EPB41L4B: variants seen among roughly 807,000 people sequenced by gnomAD.
EPB41L4B encodes the protein erythrocyte membrane protein band 4.1 like 4B.
EPB41L4B carries 30 observed loss-of-function variants against 112.5 expected under a neutral mutation model. That is an observed-to-expected ratio of 0.27 (90% CI 0.20 to 0.36). The LOEUF (loss-of-function observed/expected upper bound fraction) is 0.36, where lower values mean the gene tolerates loss of function less well. Ranked by LOEUF, EPB41L4B falls within the 10% of genes least tolerant of loss-of-function variation. EPB41L4B has a pLI of 1.00. For synonymous variants in EPB41L4B, 408 were observed against 439.7 expected (o/e 0.93, Z 0.90); for missense variants, 1,024 against 1,133.3 (o/e 0.90, Z 1.38).
intron 15 of EPB41L4B, among the ~76,000 whole-genome samples, chr9:109,231,728 C>T (rs1833957737): frequency 6.6e-6 from 1 of 152,146 alleles, no homozygotes; most frequent in Admixed American, 6.5e-5. Flanking sequence ...TAGGTGTAAG[C>T]AGGTCCCGAC....
At chr9:109,240,956 A>G (rs1002769224) in intron 15 of EPB41L4B, 1 of 985,476 alleles carries the variant, frequency 1.0e-6, no homozygotes, top group Non-Finnish European at 1.2e-6. Flanking sequence ...GCTTAAATTC[A>G]AAGTAGCTCA....
In EPB41L4B at chr9:109,180,271, A is replaced by G. The variant is rs192031831; in HGVS notation, c.2487+2458T>C. ...TAAAAGTCCCAGCATGGTTTCTGCC[A>G]TTGGCTTCCTGCTCCATCTTGGCCC... On this transcript the variant is annotated intron_variant, in intron 24 of 25. Transcript: ENST00000374566. 1.8e-3 allele frequency among the ~76,000 whole-genome samples: 278 copies of G among 152,288 alleles called. 1 individual carries two copies. The highest frequency in any genetic ancestry group is 6.4e-3 in the African/African-American group (267 of 41,564).
intron 2 of EPB41L4B, among the ~76,000 whole-genome samples, chr9:109,275,316 G>A (rs1022179816): frequency 3.3e-5 from 5 of 152,144 alleles, no homozygotes; most frequent in African/African-American, 1.2e-4. Context: ...CTTGAAGGAG[G>A]CTCAATTATG....
rs761096836 is a variant in EPB41L4B, at chr9:109,194,281, A to T, written c.2162T>A (p.Val721Asp). 2 of 1,614,130 alleles carry T rather than the reference A, an allele frequency of 1.2e-6. No homozygotes were observed. Among genetic ancestry groups the T allele is most frequent in the Non-Finnish European group, 8.5e-7 (1 of 1,180,024 alleles). The change falls in exon 21 of 26, where the codon GTC becomes GAC. Residue 721 changes from valine (V) to aspartate (D), a missense_variant. Coordinates refer to ENST00000374566, the MANE Select transcript of EPB41L4B (RefSeq NM_019114.5). Reference protein sequence around the residue: ...QVSVPLPSPKVQNVSSPHKSE... With the variant: ...QVSVPLPSPKDQNVSSPHKSE... ...CTTGTGAGGCGAGCTGACATTCTGG[A>T]CCTTGGGGGACGGCAGCGGCACGGA... is the stretch of plus-strand genomic sequence containing the variant.
At chr9:109,262,702 C>T (rs887247971) in intron 6 of EPB41L4B, among the ~76,000 whole-genome samples, 4 of 152,174 alleles carry the variant, frequency 2.6e-5, no homozygotes. Context: ...GGCCCGAGGT[C>T]ATCCACCTGT....
intron 17 of EPB41L4B, 24 bp from the exon 18 acceptor site, chr9:109,208,073 A>G (rs762832764): frequency 4.3e-6 from 7 of 1,613,242 alleles, no homozygotes; most frequent in African/African-American, 1.3e-5. Flanking sequence ...AAATACAAAC[A>G]GCAGATTGTA....
At chr9:109,297,931 C>T (rs1836799872) in intron 1 of EPB41L4B, among the ~76,000 whole-genome samples, 1 of 152,178 alleles carries the variant, frequency 6.6e-6, no homozygotes, top group Non-Finnish European at 1.5e-5. Context: ...CTATGGTGAG[C>T]TTGGCTGTTA....
At chr9:109,233,908 C>T (rs17200841) in intron 15 of EPB41L4B, among the ~76,000 whole-genome samples, 12,792 of 152,124 alleles carry the variant, frequency 0.084, 616 homozygotes, top group Middle Eastern at 0.17. Flanking sequence ...ATTATAAATG[C>T]TAAGATGACA....
At chr9:109,286,084 G>A (rs2119159593) in intron 1 of EPB41L4B, among the ~76,000 whole-genome samples, 1 of 150,694 alleles carries the variant, frequency 6.6e-6, no homozygotes, top group African/African-American at 2.4e-5. Context: ...CATCCCCAAA[G>A]CACAGTGCCT....
At chr9:109,299,668 TACC>T (rs1836881299) in intron 1 of EPB41L4B, among the ~76,000 whole-genome samples, 1 of 152,176 alleles carries the variant, frequency 6.6e-6, no homozygotes, top group South Asian at 2.1e-4. Context: ...CTCAAAGAAT[TACC>T]ACAAGTGAAT....
chr9:109,227,279 G>A (rs1241053308), intron 15 of EPB41L4B, among the ~76,000 whole-genome samples: 1 of 151,072 alleles, frequency 6.6e-6, no homozygotes, highest in Non-Finnish European at 1.5e-5. Flanking sequence ...TTTCTTAGCT[G>A]TTATCATGTG....
intron 1 of EPB41L4B, chr9:109,307,156 C>T (rs573247061): frequency 8.7e-5 from 36 of 415,060 alleles, no homozygotes; most frequent in African/African-American, 4.6e-4. Flanking sequence ...AGTTAATAAA[C>T]GACATGTTAC....
At chr9:109,265,574 A>G (rs1348968559) in intron 4 of EPB41L4B, among the ~76,000 whole-genome samples, 2 of 149,354 alleles carry the variant, frequency 1.3e-5, no homozygotes, top group Non-Finnish European at 3.0e-5. Context: ...ACACACACGA[A>G]ACAAGAAAAA....
intron 1 of EPB41L4B, among the ~76,000 whole-genome samples, chr9:109,306,705 T>C (rs995484517): frequency 2.0e-5 from 3 of 152,196 alleles, no homozygotes; most frequent in African/African-American, 7.2e-5. Context: ...GTCTGGGGTA[T>C]AGCTTAGAAG....
chr9:109,241,634 G>A, intron 15 of EPB41L4B: 4 of 1,613,022 alleles, frequency 2.5e-6, no homozygotes, highest in Non-Finnish European at 3.4e-6. Flanking sequence ...AACTATGAAG[G>A]TGAATGGAAG....
At chr9:109,319,028 G>A (rs1837739849) in intron 1 of EPB41L4B, among the ~76,000 whole-genome samples, 1 of 152,146 alleles carries the variant, frequency 6.6e-6, no homozygotes, top group South Asian at 2.1e-4. Context: ...GGAAGTCCGG[G>A]TATGTTATTT....
At chr9:109,288,366 T>G (rs1000848604) in intron 1 of EPB41L4B, among the ~76,000 whole-genome samples, 4 of 151,960 alleles carry the variant, frequency 2.6e-5, no homozygotes, top group Non-Finnish European at 5.9e-5. Flanking sequence ...GAGGTTCGCT[T>G]GAGTCCAGGA....
At chr9:109,309,458 G>A (rs1195773599) in intron 1 of EPB41L4B, among the ~76,000 whole-genome samples, 2 of 152,174 alleles carry the variant, frequency 1.3e-5, no homozygotes, top group Non-Finnish European at 2.9e-5. Flanking sequence ...CCACCGAGGT[G>A]ACCTCAGAAG....
intron 1 of EPB41L4B, among the ~76,000 whole-genome samples, chr9:109,299,841 T>C (rs1156292707): frequency 1.3e-5 from 2 of 152,200 alleles, no homozygotes; most frequent in East Asian, 3.9e-4. Flanking sequence ...TTCATACACA[T>C]GGAATCATAT....
Sources: gnomAD v4.1 joint callset for allele counts (sites outside exome capture counted in the v4.1 genomes callset) on GRCh38, gnomAD v4.1.1 for gene constraint, MANE v1.5 for transcripts, NCBI Gene and HGNC (gene_info 2026-07-23, HGNC 2026-07-21) for gene names.